The following BCL11B variants were observed in gnomAD, a reference collection of about 807,000 sequenced individuals.
The protein encoded by BCL11B is B-cell lymphoma/leukemia 11B.
Under a neutral mutation model 49.9 loss-of-function variants are expected in BCL11B, and 8 were observed. That is an observed-to-expected ratio of 0.16 (90% confidence interval 0.09 to 0.29). The LOEUF (loss-of-function observed/expected upper bound fraction) is 0.29. Ranked by LOEUF, BCL11B falls within the 10% of genes least tolerant of loss-of-function variation. The pLI, the probability that BCL11B is intolerant of heterozygous loss-of-function variation, is 1.00. For missense variants in BCL11B, 1,006 were observed against 1,351.0 expected, an observed-to-expected ratio of 0.74 and a Z score of 4.00; for synonymous variants, 739 against 637.4, an observed-to-expected ratio of 1.16 and a Z score of -2.40.
At chr14:99,196,153 T>C (rs1887172773) in intron 3 of BCL11B, among the ~76,000 whole-genome samples, 1 of 152,112 alleles carries the variant, frequency 6.6e-6, no homozygotes, top group Non-Finnish European at 1.5e-5. Context: ...AGGTGCTTGT[T>C]GCATTCCCAA....
chr14:99,256,867 C>T (rs185775981), intron 2 of BCL11B, among the ~76,000 whole-genome samples: 14 of 152,076 alleles, frequency 9.2e-5, no homozygotes, highest in Non-Finnish European at 1.5e-4. Context: ...CCCCTGGGGT[C>T]GGGCAATGTC....
At chr14:99,259,527 T>C (rs983787598) in intron 1 of BCL11B, among the ~76,000 whole-genome samples, 3 of 152,278 alleles carry the variant, frequency 2.0e-5, no homozygotes, top group Non-Finnish European at 4.4e-5. Context: ...AAACTACAAT[T>C]TGAGATCCCA....
intron 3 of BCL11B, among the ~76,000 whole-genome samples, chr14:99,200,629 C>A (rs1358231240): frequency 6.6e-6 from 1 of 152,248 alleles, no homozygotes; most frequent in Non-Finnish European, 1.5e-5. Flanking sequence ...TACCACATGG[C>A]CCACCCATCT....
chr14:99,262,765 CA>C lies in BCL11B; in HGVS notation c.59-4927del, dbSNP rs1266493763. Among the ~76,000 whole-genome samples, 2 of 152,124 alleles carry C rather than the reference CA, an allele frequency of 1.3e-5. No individual in the cohort carries two copies. Among genetic ancestry groups the C allele is most frequent in the Non-Finnish European group, 2.9e-5 (2 of 68,028 alleles). On this transcript the variant is annotated intron_variant, in intron 1 of 3. Coordinates refer to ENST00000357195, the MANE Select transcript of BCL11B (RefSeq NM_138576.4). This position sits in a 1 kb window ranked among gnomAD's most constrained non-coding sequence, Gnocchi z 4.2. ...GGGACTCCAGGCGACACGGAAACGCCACCACACGCACACTCGACGGAGCACA... is the reference window on the plus strand; with the variant it reads ...GGGACTCCAGGCGACACGGAAACGCCCCACACGCACACTCGACGGAGCACA...
intron 1 of BCL11B, chr14:99,264,764 T>C (rs1365902008): frequency 1.3e-5 from 2 of 152,206 alleles, no homozygotes; most frequent in Non-Finnish European, 2.9e-5. Context: ...ACAAGGCTGC[T>C]CTGCTCACCC....
rs144732774 is a variant in BCL11B, at chr14:99,254,700, G to A, written c.427+2771C>T. ...GGATTGGAGGACTCCTTGGAGCCCCGGCCAGGAGGCAGAAGCCTGGAGGGA... is the reference window on the plus strand; with the variant it reads ...GGATTGGAGGACTCCTTGGAGCCCCAGCCAGGAGGCAGAAGCCTGGAGGGA... On this transcript the variant is annotated intron_variant, in intron 2 of 3. Transcript: ENST00000357195. Among the ~76,000 whole-genome samples the A allele has an allele frequency of 3.2e-3, 488 of 152,318 alleles. 2 individuals carry two copies. The highest frequency in any genetic ancestry group is 0.011 in the African/African-American group (475 of 41,580).
At chr14:99,235,382 G>C (rs1167746467) in intron 2 of BCL11B, among the ~76,000 whole-genome samples, 1 of 152,152 alleles carries the variant, frequency 6.6e-6, no homozygotes, top group Non-Finnish European at 1.5e-5. Flanking sequence ...GTGAGTGAGG[G>C]ACACTGGCAA....
intron 3 of BCL11B, among the ~76,000 whole-genome samples, chr14:99,216,762 T>C (rs1294915899): frequency 1.3e-5 from 2 of 152,168 alleles, no homozygotes; most frequent in East Asian, 1.9e-4. Flanking sequence ...TCTGTGCTGA[T>C]AGTTCTCCCT....
At chr14:99,222,442 C>T (rs1429403528) in intron 3 of BCL11B, among the ~76,000 whole-genome samples, 5 of 152,188 alleles carry the variant, frequency 3.3e-5, no homozygotes, top group Admixed American at 3.3e-4. Context: ...CCGCCCCAGC[C>T]ACTGGAGAGA....
chr14:99,187,853 A>C (rs997553196), intron 3 of BCL11B, among the ~76,000 whole-genome samples: 1 of 152,032 alleles, frequency 6.6e-6, no homozygotes, highest in Non-Finnish European at 1.5e-5. Context: ...GCAAGCCTCC[A>C]TCTTTCCTTT....
In BCL11B at chr14:99,194,800, C is replaced by T. The variant is rs945245489; in HGVS notation, c.641-18605G>A. ...AGCAGACGGCCTTCGATAATAGCAACCCCCGAGGATGCAGACAGGCCTGAA... is the reference window on the plus strand; with the variant it reads ...AGCAGACGGCCTTCGATAATAGCAATCCCCGAGGATGCAGACAGGCCTGAA... On this transcript the variant is annotated intron_variant, in intron 3 of 3. Coordinates refer to ENST00000357195, the MANE Select transcript of BCL11B (RefSeq NM_138576.4). The surrounding 1 kb of genome is among the most constrained non-coding windows in gnomAD (Gnocchi z 4.6). Among the ~76,000 whole-genome samples, 3 of 152,192 alleles carry T rather than the reference C, an allele frequency of 2.0e-5. No homozygotes were observed. Among genetic ancestry groups the T allele is most frequent in the Admixed American group, 6.5e-5 (1 of 15,286 alleles).
At position 99,171,180 on chromosome 14, in the gene BCL11B, A is replaced by G. The variant is rs144485407; in HGVS notation, c.*2971T>C. 8.7e-6 allele frequency: 2 copies of G among 228,898 alleles called. No individual in the cohort carries two copies. The highest frequency in any genetic ancestry group is 1.3e-4 in the East Asian group (2 of 15,984). 14.2% of individuals were successfully genotyped at this position (228,898 alleles called of 1,614,324 possible). A position where few individuals can be genotyped will look rare whatever the true frequency, so the allele number is the denominator to read the frequency against. On this transcript the variant is annotated 3_prime_UTR_variant, in exon 4 of 4. Transcript: ENST00000357195. ...CCTTGATGCAAGGTTCGGGGCGTTCAGAGAGAAGCCCAACACGAACGGTTC... is the reference window on the plus strand; with the variant it reads ...CCTTGATGCAAGGTTCGGGGCGTTCGGAGAGAAGCCCAACACGAACGGTTC...
intron 2 of BCL11B, among the ~76,000 whole-genome samples, chr14:99,240,586 C>T (rs915001566): frequency 1.3e-5 from 2 of 152,172 alleles, no homozygotes; most frequent in African/African-American, 4.8e-5. Context: ...ATTTAATATA[C>T]ATATCGTAAG....
rs536028296 is a variant in BCL11B at position 99,231,403 on chromosome 14, G to A, written c.582C>T (p.Asp194=). 3.8e-5 allele frequency: 61 copies of A among 1,599,042 alleles called. No homozygotes were observed. Among genetic ancestry groups the A allele is most frequent in the Middle Eastern group, 1.8e-4 (1 of 5,488 alleles). ...PCCSARPVSG[D]GTQGEGQTEA... The stretch of plus-strand genomic sequence containing the variant: ...CCGTCTGACCCTCACCCTGAGTCCC[G>A]TCACCCGAGACCGGGCGCGCGCTGC... The change falls in exon 3 of 4, where the codon GAC becomes GAT. Residue 194 remains aspartate (D), a synonymous_variant. Transcript: ENST00000357195. The surrounding 1 kb of genome is among the most constrained non-coding windows in gnomAD (Gnocchi z 8.1).
At chr14:99,181,635 G>A (rs1016613018) in intron 3 of BCL11B, among the ~76,000 whole-genome samples, 1 of 152,202 alleles carries the variant, frequency 6.6e-6, no homozygotes, top group African/African-American at 2.4e-5. Flanking sequence ...GTTGGAACCC[G>A]GTCAGGTCCA....
In BCL11B at chr14:99,212,130, C is replaced by T. The variant is rs1311587447; in HGVS notation, c.640+19215G>A. On this transcript the variant is annotated intron_variant, in intron 3 of 3. Coordinates refer to ENST00000357195, the MANE Select transcript of BCL11B (RefSeq NM_138576.4). The stretch of plus-strand genomic sequence containing the variant: ...TTCCAGGAGGTGCCATCAACCCAAG[C>T]AACTGCTCCTCCTACCCAGGGATTC... Among the ~76,000 whole-genome samples the T allele has an allele frequency of 2.6e-5, 4 of 152,300 alleles. No homozygotes were observed. In the East Asian group the frequency reaches 7.7e-4, roughly 29 times the overall value.
At chr14:99,200,517 G>A (rs1351243849) in intron 3 of BCL11B, among the ~76,000 whole-genome samples, 2 of 152,232 alleles carry the variant, frequency 1.3e-5, no homozygotes, top group Non-Finnish European at 2.9e-5. Flanking sequence ...GGCCTCCTCT[G>A]GGGGCCTGGG....
intron 3 of BCL11B, among the ~76,000 whole-genome samples, chr14:99,214,135 C>T (rs1308446946): frequency 6.6e-6 from 1 of 152,090 alleles, no homozygotes; most frequent in Non-Finnish European, 1.5e-5. Context: ...AGTGAGTGTC[C>T]CCCCATCCAC....
intron 3 of BCL11B, among the ~76,000 whole-genome samples, chr14:99,220,272 T>C (rs1266882975): frequency 6.6e-6 from 1 of 152,194 alleles, no homozygotes; most frequent in African/African-American, 2.4e-5. Context: ...AAAGCAAGGA[T>C]TCAAACAGAT....
Sources: gnomAD v4.1 joint callset for allele counts (sites outside exome capture counted in the v4.1 genomes callset) on GRCh38, gnomAD v4.1.1 for gene constraint, Gnocchi (gnomAD v3.1) non-coding constraint, MANE v1.5 for transcripts, NCBI Gene and HGNC (gene_info 2026-07-23, HGNC 2026-07-21) for gene names.